Variants in YIPF7 observed in about 807,000 individuals in gnomAD.
The protein encoded by YIPF7 is protein YIPF7.
A neutral mutation model predicts 27.2 loss-of-function variants in YIPF7; 35 were observed. The ratio of observed to expected loss-of-function variants is 1.29; its 90% CI spans 0.98 to 1.70. The LOEUF is 1.70. YIPF7 is among the 40% of genes most tolerant of loss of function. The pLI is 0.00. For missense variants in YIPF7, 358 were observed against 303.7 expected (o/e 1.18, Z -1.33); for synonymous variants, 137 against 110.4 (o/e 1.24, Z -1.51).
chr4:44,653,031 G>A (rs57877794), upstream of YIPF7, among the ~76,000 whole-genome samples: 11,734 of 152,038 alleles, frequency 0.077, 526 homozygotes, highest in Admixed American at 0.13. Flanking sequence ...CTCAGGGAAG[G>A]CTTCTTAAGA....
At chr4:44,639,777 A>T (rs549237700) in intron 2 of YIPF7, among the ~76,000 whole-genome samples, 18 of 139,136 alleles carry the variant, frequency 1.3e-4, no homozygotes, top group African/African-American at 5.3e-4. Flanking sequence ...ATTTTTTCTT[A>T]GAAAAAAATG....
At chr4:44,642,823 A>G (rs1713378572) in intron 2 of YIPF7, among the ~76,000 whole-genome samples, 1 of 151,928 alleles carries the variant, frequency 6.6e-6, no homozygotes, top group African/African-American at 2.4e-5. Flanking sequence ...GCTCCCTGTG[A>G]CCTCCCCAGG....
intron 5 of YIPF7, among the ~76,000 whole-genome samples, chr4:44,624,037 T>G (rs2109573781): frequency 6.6e-6 from 1 of 151,666 alleles, no homozygotes; most frequent in Admixed American, 6.6e-5. Flanking sequence ...ACTTAAAAAG[T>G]GCCAGTTTTT....
chr4:44,651,629 G>A (rs1461348446), upstream of YIPF7: 8 of 1,578,146 alleles, frequency 5.1e-6, no homozygotes, highest in Non-Finnish European at 6.9e-6. Context: ...ATCCATTGGT[G>A]AAAAGATGAC....
At chr4:44,640,406 G>A (rs1713284952) in intron 2 of YIPF7, among the ~76,000 whole-genome samples, 1 of 152,200 alleles carries the variant, frequency 6.6e-6, no homozygotes, top group Non-Finnish European at 1.5e-5. Context: ...GAGCTGGACT[G>A]GGCAAGCTTA....
At chr4:44,649,739 C>CT (rs891901406) in intron 2 of YIPF7, among the ~76,000 whole-genome samples, 5 of 152,114 alleles carry the variant, frequency 3.3e-5, no homozygotes, top group African/African-American at 1.2e-4. Flanking sequence ...GATTGCACCA[C>CT]TGCACTCCAC....
At chr4:44,625,889 G>T (rs1456282219) in intron 4 of YIPF7, among the ~76,000 whole-genome samples, 1 of 152,122 alleles carries the variant, frequency 6.6e-6, no homozygotes, top group Non-Finnish European at 1.5e-5. Flanking sequence ...GATAAAAGTT[G>T]AATAGGCTGT....
At chr4:44,647,577 C>T (rs1212726606) in intron 2 of YIPF7, among the ~76,000 whole-genome samples, 1 of 152,074 alleles carries the variant, frequency 6.6e-6, no homozygotes, top group East Asian at 1.9e-4. Flanking sequence ...GTGCCTCAAA[C>T]ATTTTCCTGT....
intron 2 of YIPF7, among the ~76,000 whole-genome samples, chr4:44,640,549 G>A (rs774429575): frequency 3.9e-5 from 6 of 152,184 alleles, no homozygotes; most frequent in Non-Finnish European, 8.8e-5. Flanking sequence ...TGGGAAGGGT[G>A]GGACCAGTCC....
intron 4 of YIPF7, among the ~76,000 whole-genome samples, chr4:44,625,358 C>T (rs537430704): frequency 7.2e-5 from 11 of 152,266 alleles, no homozygotes; most frequent in East Asian, 3.9e-4. Flanking sequence ...TAATATAACG[C>T]TAAGCAATGG....
chr4:44,653,767 A>G (rs559037662), upstream of YIPF7, among the ~76,000 whole-genome samples: 1 of 152,254 alleles, frequency 6.6e-6, no homozygotes, highest in African/African-American at 2.4e-5. Context: ...TTTGATTATT[A>G]CCATCTTTTC....
chr4:44,647,998 A>G (rs752868215), intron 2 of YIPF7, among the ~76,000 whole-genome samples: 8 of 152,138 alleles, frequency 5.3e-5, no homozygotes, highest in Admixed American at 5.2e-4. Context: ...ACATTATTAT[A>G]ATAGCACTAA....
chr4:44,644,842 T>C (rs533272861), intron 2 of YIPF7, among the ~76,000 whole-genome samples: 1 of 152,220 alleles, frequency 6.6e-6, no homozygotes, highest in African/African-American at 2.4e-5. Context: ...AGGGAGGTGA[T>C]TGGATCATGG....
intron 5 of YIPF7, among the ~76,000 whole-genome samples, chr4:44,622,941 C>T (rs370582275): frequency 2.0e-5 from 3 of 152,284 alleles, no homozygotes; most frequent in South Asian, 2.1e-4. Flanking sequence ...CTACTTTCCT[C>T]AAAAATTGGC....
At chr4:44,650,507 G>GCA (rs3040316) in intron 1 of YIPF7, among the ~76,000 whole-genome samples, 47,184 of 136,876 alleles carry the variant, frequency 0.34, 9,019 homozygotes, top group Non-Finnish European at 0.47. Flanking sequence ...GCGCGCGCGC[G>GCA]CACACACACA....
At chr4:44,643,523 A>G (rs1173973830) in intron 2 of YIPF7, among the ~76,000 whole-genome samples, 4 of 152,214 alleles carry the variant, frequency 2.6e-5, no homozygotes, top group Non-Finnish European at 4.4e-5. Flanking sequence ...GCAGGCTACA[A>G]ACAATTGCAT....
intron 4 of YIPF7, chr4:44,629,151 C>CT (rs58666968): frequency 0.015 from 4,937 of 323,424 alleles, 223 homozygotes; most frequent in African/African-American, 0.098. Context: ...TTCTTAATAA[C>CT]AAAAAAGACA....
At chr4:44,641,946 T>C (rs1713339977) in intron 2 of YIPF7, among the ~76,000 whole-genome samples, 1 of 152,136 alleles carries the variant, frequency 6.6e-6, no homozygotes, top group South Asian at 2.1e-4. Flanking sequence ...GCAATAGGAA[T>C]CCGAATGGCT....
Position 44,629,402 on chromosome 4 carries a change from C to A in YIPF7, c.426+1G>T. ...ATCTGGTGCTTCCTGTGACACATTA[C>A]CAGAAGCAAGGTGGCTCCCAGGGCT... is the stretch of plus-strand genomic sequence containing the variant. On this transcript the variant is annotated splice_donor_variant, in intron 4 of 5. Transcript: ENST00000415895. LOFTEE classifies it high-confidence loss of function. 1 of 1,585,206 alleles carries A rather than the reference C, an allele frequency of 6.3e-7. No homozygotes were observed. Among genetic ancestry groups the A allele is most frequent in the African/African-American group, 1.4e-5 (1 of 73,892 alleles).
Sources: gnomAD v4.1 joint callset for allele counts (sites outside exome capture counted in the v4.1 genomes callset) on GRCh38, gnomAD v4.1.1 for gene constraint, MANE v1.5 for transcripts, NCBI Gene and HGNC (gene_info 2026-07-23, HGNC 2026-07-21) for gene names.